The following SYNE1 variants were observed in gnomAD, a reference collection of about 807,000 sequenced individuals.
SYNE1 encodes nesprin-1.
Under a neutral mutation model 1,111.0 loss-of-function variants are expected in SYNE1, and 616 were observed. That is an observed-to-expected ratio of 0.55 (90% CI 0.52 to 0.59). The LOEUF is 0.59. Ranked by LOEUF, SYNE1 falls within the 20% of genes least tolerant of loss-of-function variation. The pLI, the probability that SYNE1 is intolerant of heterozygous loss-of-function variation, is 0.00. For synonymous variants in SYNE1, 3,855 were observed against 3,825.8 expected (o/e 1.01, Z -0.28); for missense variants, 10,006 against 10,417.0 (o/e 0.96, Z 1.72).
intron 16 of SYNE1, among the ~76,000 whole-genome samples, chr6:152,471,291 A>T (rs1233650154): frequency 6.6e-6 from 1 of 152,220 alleles, no homozygotes; most frequent in Non-Finnish European, 1.5e-5. Context: ...CCAATAAAAA[A>T]TGTGGGTATG....
At chr6:152,466,218 C>A in intron 16 of SYNE1, 140 bp from the exon 17 acceptor site, 2 of 634,982 alleles carry the variant, frequency 3.1e-6, no homozygotes, top group Admixed American at 2.4e-5. Flanking sequence ...AAAATTAATT[C>A]CACTGCTACA....
At position 152,598,542 on chromosome 6, in the gene SYNE1, A is replaced by G. The variant is rs138223911; in HGVS notation, c.67+29723T>C. Among the ~76,000 whole-genome samples, 165 of 152,348 alleles carry G rather than the reference A, an allele frequency of 1.1e-3. 3 individuals carry two copies. The East Asian group carries it at 0.022, about 20-fold the overall frequency. ...CATTTGCCAGTTTTTCATAAACTCA[A>G]TGGTCTCTTAGCAATACTTCCCATA... is the stretch of plus-strand genomic sequence containing the variant. On this transcript the variant is annotated intron_variant, in intron 3 of 145. Transcript: ENST00000367255.
At chr6:152,550,195 C>G (rs964760079) in intron 3 of SYNE1, among the ~76,000 whole-genome samples, 2 of 152,022 alleles carry the variant, frequency 1.3e-5, no homozygotes, top group African/African-American at 4.8e-5. Flanking sequence ...ACGATTTTTC[C>G]AATATGAATT....
chr6:152,504,601 T>G (rs891890528), intron 9 of SYNE1, among the ~76,000 whole-genome samples: 5 of 152,184 alleles, frequency 3.3e-5, no homozygotes, highest in African/African-American at 4.8e-5. Flanking sequence ...ATTTGGAAAC[T>G]TCACTTTGAT....
chr6:152,340,560 G>A (rs1016402256), intron 74 of SYNE1, among the ~76,000 whole-genome samples: 4 of 152,186 alleles, frequency 2.6e-5, no homozygotes, highest in African/African-American at 9.7e-5. Context: ...AGTGCCAAAT[G>A]TCCCTTGTAG....
rs563811984 is a variant in SYNE1 at position 152,265,567 on chromosome 6, T to C, written c.18815+2489A>G. On this transcript the variant is annotated intron_variant, in intron 100 of 145. Transcript: ENST00000367255. ...TAGCCTATAGTATAGCACTTTTAAT[T>C]CATTTGTATTTACATAAAAATTTGT... is the stretch of plus-strand genomic sequence containing the variant. 8.5e-5 allele frequency among the ~76,000 whole-genome samples: 13 copies of C among 152,280 alleles called. No individual in the cohort carries two copies. In the South Asian group the frequency reaches 2.3e-3, roughly 27 times the overall value.
intron 3 of SYNE1, among the ~76,000 whole-genome samples, chr6:152,574,014 A>G (rs1240637288): frequency 6.6e-6 from 1 of 152,082 alleles, no homozygotes; most frequent in Non-Finnish European, 1.5e-5. Flanking sequence ...GCTCTGAGTC[A>G]TCTCTTTATG....
At chr6:152,546,755 A>C (rs1048154894) in intron 3 of SYNE1, 2 of 152,000 alleles carry the variant, frequency 1.3e-5, no homozygotes, top group African/African-American at 4.8e-5. Context: ...TGATTTCCTC[A>C]CCCTTTTCGG....
At chr6:152,388,057 C>T (rs2097550061) in intron 53 of SYNE1, among the ~76,000 whole-genome samples, 1 of 152,172 alleles carries the variant, frequency 6.6e-6, no homozygotes, top group African/African-American at 2.4e-5. Context: ...CTAAACTCAT[C>T]TGCAGTGATT....
In SYNE1 at chr6:152,278,229, C is replaced by A. The variant is rs1261987993; in HGVS notation, c.18433G>T (p.Val6145Phe). The stretch of plus-strand genomic sequence containing the variant: ...TCCAGCAGCAGGTTCTCATTGTGGA[C>A]TGACAGTTCTGATAAAGCCACCACC... ...QKVVALSELS[V>F]HNENLLLEGK... Residue 6145 changes from valine to phenylalanine, a missense_variant, in exon 98 of 146, where the codon GTC becomes TTC. Transcript: ENST00000367255. 6.2e-7 allele frequency: 1 copy of A among 1,614,150 alleles called. No individual in the cohort carries two copies. The highest frequency in any genetic ancestry group is 8.5e-7 in the Non-Finnish European group (1 of 1,180,042).
chr6:152,241,908 T>C (rs2085809398), intron 107 of SYNE1, among the ~76,000 whole-genome samples: 1 of 152,152 alleles, frequency 6.6e-6, no homozygotes, highest in Admixed American at 6.6e-5. Flanking sequence ...ATGGGCTCCT[T>C]TGAAGAGAGG....
chr6:152,496,657 A>G (rs1398349981), intron 11 of SYNE1, among the ~76,000 whole-genome samples: 1 of 152,102 alleles, frequency 6.6e-6, no homozygotes, highest in Non-Finnish European at 1.5e-5. Flanking sequence ...TCCTGCTCGA[A>G]GCAGCTCTGA....
chr6:152,223,340 G>A (rs1026141037), intron 117 of SYNE1, among the ~76,000 whole-genome samples: 23 of 152,086 alleles, frequency 1.5e-4, no homozygotes, highest in African/African-American at 3.1e-4. Flanking sequence ...TAAGAAAGTC[G>A]GCCGGGCATG....
At chr6:152,438,714 TAC>T (rs965761755) in intron 32 of SYNE1, among the ~76,000 whole-genome samples, 1 of 152,182 alleles carries the variant, frequency 6.6e-6, no homozygotes, top group African/African-American at 2.4e-5. Flanking sequence ...CACACACCAG[TAC>T]ACAGAGGACA....
chr6:152,374,674 TGAGGCAGGAGGATTGCTTGAACGTGG>T (rs2097250204), intron 58 of SYNE1, among the ~76,000 whole-genome samples: 1 of 152,084 alleles, frequency 6.6e-6, no homozygotes, highest in Non-Finnish European at 1.5e-5. Flanking sequence ...CTCAGGAGGC[TGAGGCAGGAGGATTGCTTGAACGTGG>T]GAGGCAGAGG....
In SYNE1 at chr6:152,344,195, C is replaced by T. The variant is rs755561215; in HGVS notation, c.12111G>A (p.Lys4037=). The stretch of plus-strand genomic sequence containing the variant: ...GCAGGGTGTCTTGTCGGCTGACGTG[C>T]TTCTGAAGTTCGTGTTCCAAACTCT... ...MYQSLEHELQ[K]HVSRQDTLQQ... Residue 4037 remains lysine (K), a synonymous_variant, in exon 74 of 146, where the codon AAG becomes AAA. Transcript: ENST00000367255. 1.2e-6 allele frequency: 2 copies of T among 1,614,196 alleles called. No individual in the cohort carries two copies. The highest frequency in any genetic ancestry group is 1.1e-5 in the South Asian group (1 of 91,078).
At chr6:152,559,968 G>A (rs540404834) in intron 3 of SYNE1, among the ~76,000 whole-genome samples, 2 of 152,114 alleles carry the variant, frequency 1.3e-5, no homozygotes, top group Non-Finnish European at 2.9e-5. Flanking sequence ...GATCATAAGA[G>A]AATATATGAA....
chr6:152,594,555 C>T (rs2099575576), intron 3 of SYNE1, among the ~76,000 whole-genome samples: 1 of 152,132 alleles, frequency 6.6e-6, no homozygotes, highest in Admixed American at 6.5e-5. Flanking sequence ...TATTTTGATG[C>T]TACACAAGAC....
At chr6:152,500,830 A>C (rs1449767914) in intron 10 of SYNE1, among the ~76,000 whole-genome samples, 1 of 151,938 alleles carries the variant, frequency 6.6e-6, no homozygotes, top group African/African-American at 2.4e-5. Flanking sequence ...GGGCGCCTGT[A>C]GTCCCAGCTA....
Sources: gnomAD v4.1 joint callset for allele counts (sites outside exome capture counted in the v4.1 genomes callset) on GRCh38, gnomAD v4.1.1 for gene constraint, MANE v1.5 for transcripts, NCBI Gene and HGNC (gene_info 2026-07-23, HGNC 2026-07-21) for gene names.